Variants in GLB1L3 observed in about 807,000 individuals in gnomAD.
GLB1L3 encodes beta-galactosidase-1-like protein 3.
Under a neutral mutation model 89.5 loss-of-function variants are expected in GLB1L3, and 89 were observed. That is an observed-to-expected ratio of 0.99 (90% CI 0.84 to 1.19). GLB1L3 has a LOEUF of 1.19. Among genes scored for constraint, GLB1L3 ranks in the 50% most tolerant of loss-of-function variants. GLB1L3 has a pLI of 0.00. For missense variants in GLB1L3, 812 were observed against 813.3 expected, an observed-to-expected ratio of 1.00 and a Z score of 0.02; for synonymous variants, 314 against 312.3, an observed-to-expected ratio of 1.01 and a Z score of -0.06.
chr11:134,284,924 C>CTTTT (rs536491197), intron 6 of GLB1L3, among the ~76,000 whole-genome samples: 1 of 73,990 alleles, frequency 1.4e-5, no homozygotes, highest in African/African-American at 5.3e-5. Flanking sequence ...CATGCATTGC[C>CTTTT]TTTTTTTTTT....
rs1043344048 is a variant in GLB1L3, at chr11:134,310,482, G to A, written c.1100-89G>A. 5.1e-5 allele frequency: 47 copies of A among 924,896 alleles called. 1 individual carries two copies. Among genetic ancestry groups the A allele is most frequent in the South Asian group, 3.7e-4 (26 of 70,110 alleles). 57.3% of individuals were successfully genotyped at this position (924,896 alleles called of 1,614,324 possible). On this transcript the variant is annotated intron_variant, in intron 11 of 19. Transcript: ENST00000431683. ...GGTGTCTTCCTTTTGTCTCACTCAC[G>A]GTGGCCCTGGCCATCTCCTGCCAGC...
chr11:134,321,369 C>T (rs1220814587), downstream of GLB1L3, among the ~76,000 whole-genome samples: 1 of 150,454 alleles, frequency 6.6e-6, no homozygotes, highest in Admixed American at 6.6e-5. Flanking sequence ...AACAAACAAA[C>T]AAAATCCTCT....
At chr11:134,306,722 A>G (rs1942222352) in intron 9 of GLB1L3, among the ~76,000 whole-genome samples, 1 of 152,276 alleles carries the variant, frequency 6.6e-6, no homozygotes, top group African/African-American at 2.4e-5. Context: ...AGCAGCACTG[A>G]AAATGCTAGG....
chr11:134,315,222 T>G (rs953717617), intron 18 of GLB1L3, among the ~76,000 whole-genome samples: 4 of 152,226 alleles, frequency 2.6e-5, no homozygotes, highest in African/African-American at 9.6e-5. Flanking sequence ...AATAATTTAT[T>G]TAACCATTTT....
rs1323077402 is a variant in GLB1L3 at position 134,312,882 on chromosome 11, C to T, written c.1495C>T (p.Leu499Phe). The change falls in exon 15 of 20, where the codon CTC (leucine) becomes TTC (phenylalanine). Residue 499 changes from leucine (L) to phenylalanine (F), a missense_variant. By Grantham distance (22) the Leu-to-Phe change is conservative. Transcript: ENST00000431683. ...TAATAAGGACCTGCACATTCCTGAA[C>T]TCAGGGTATGTAATTTGAGAGTCCA... Reference protein sequence around the residue: ...ENNKDLHIPELRDCRYLRILV... With the variant: ...ENNKDLHIPEFRDCRYLRILV... The T allele has an allele frequency of 1.2e-6, 2 of 1,602,696 alleles. No homozygotes were observed. The highest frequency in any genetic ancestry group is 4.5e-5 in the East Asian group (2 of 44,790).
At chr11:134,298,801 G>A (rs1941788244) in intron 9 of GLB1L3, among the ~76,000 whole-genome samples, 2 of 152,278 alleles carry the variant, frequency 1.3e-5, no homozygotes, top group African/African-American at 4.8e-5. Context: ...TTTATCTGCA[G>A]CGTGAAAATG....
downstream of GLB1L3, among the ~76,000 whole-genome samples, chr11:134,323,416 CACACACACAATT>C (rs1369031858): frequency 6.6e-6 from 1 of 150,568 alleles, no homozygotes. Context: ...CACACACACA[CACACACACAATT>C]AGTCGGCCTG....
intron 8 of GLB1L3, 102 bp from the exon 9 acceptor site, chr11:134,293,043 C>T (rs944474472): frequency 1.1e-6 from 1 of 874,084 alleles, no homozygotes. Flanking sequence ...CACTGCTGAG[C>T]ATGGGTTCCT....
intron 7 of GLB1L3, among the ~76,000 whole-genome samples, chr11:134,290,897 C>T (rs149905982): frequency 1.3e-5 from 2 of 152,076 alleles, no homozygotes; most frequent in African/African-American, 4.8e-5. Context: ...GACTTAGATC[C>T]TCTTCCAGGG....
Position 134,312,830 on chromosome 11 carries a change from G to C in GLB1L3, c.1443G>C (p.Glu481Asp), listed in dbSNP as rs920568810. The change falls in exon 15 of 20, where the codon GAG becomes GAC. Residue 481 changes from glutamate (E) to aspartate (D), a missense_variant. Transcript: ENST00000431683. ...AHDVAQVFLD[E>D]TMIGILNENN... ...TTCTTTTGCAGGTGTTTTTGGATGA[G>C]ACAATGATAGGGATTCTGAATGAGA... 1 of 1,611,874 alleles carries C rather than the reference G, an allele frequency of 6.2e-7. No homozygotes were observed. The highest frequency in any genetic ancestry group is 1.3e-5 in the African/African-American group (1 of 74,890).
At chr11:134,276,376 G>T (rs1940371584), upstream of GLB1L3, 1 of 226,294 alleles carries the variant, frequency 4.4e-6, no homozygotes, top group African/African-American at 2.3e-5. Flanking sequence ...CTCCCGCGCA[G>T]GCCTCCCTGT....
chr11:134,278,135 G>C (rs1278229862), intron 3 of GLB1L3, among the ~76,000 whole-genome samples: 2 of 152,308 alleles, frequency 1.3e-5, no homozygotes, highest in East Asian at 1.9e-4. Context: ...AGAATCTCAA[G>C]GGAGGAGGTT....
At chr11:134,289,207 A>T (rs542452813) in intron 7 of GLB1L3, among the ~76,000 whole-genome samples, 1 of 151,652 alleles carries the variant, frequency 6.6e-6, no homozygotes, top group Non-Finnish European at 1.5e-5. Flanking sequence ...CAGAAAAGAA[A>T]ATGTTACTAA....
intron 7 of GLB1L3, among the ~76,000 whole-genome samples, chr11:134,290,144 C>T (rs995326288): frequency 3.3e-5 from 5 of 152,110 alleles, no homozygotes; most frequent in East Asian, 3.8e-4. Flanking sequence ...CCAGGGGACG[C>T]GTGGCTGCCC....
chr11:134,292,355 T>TA, intron 8 of GLB1L3, 142 bp downstream of exon 8: 3 of 613,664 alleles, frequency 4.9e-6, no homozygotes, highest in Non-Finnish European at 8.7e-6. Flanking sequence ...AGTTCGATGT[T>TA]ACAATAAATG....
At chr11:134,291,067 C>G (rs1941329075) in intron 7 of GLB1L3, among the ~76,000 whole-genome samples, 1 of 152,118 alleles carries the variant, frequency 6.6e-6, no homozygotes, top group Non-Finnish European at 1.5e-5. Context: ...GAAGGTCAGA[C>G]TCTGAATTCA....
rs1289289332 is a variant in GLB1L3, at chr11:134,307,007, A to T, written c.877-117A>T. 4 of 685,032 alleles carry T rather than the reference A, an allele frequency of 5.8e-6. No homozygotes were observed. In the Admixed American group the frequency reaches 1.1e-4, roughly 19 times the overall value. The allele number at this position is 685,032 out of a possible 1,614,324, so 42.4% of individuals were successfully genotyped here. ...ACTGGATCAAAACGGGAAAGCTCTG[A>T]ATTGGGAAAAAGGAGAAACGCATGA... On this transcript the variant is annotated intron_variant, in intron 9 of 19. Coordinates refer to ENST00000431683, the MANE Select transcript of GLB1L3 (RefSeq NM_001080407.3).
chr11:134,314,552 C>T, intron 18 of GLB1L3, 111 bp downstream of exon 18: 1 of 728,944 alleles, frequency 1.4e-6, no homozygotes, highest in African/African-American at 1.8e-5. Context: ...TTCTTTTCCT[C>T]TTCTTCCTCA....
chr11:134,300,402 G>A (rs547098805), intron 9 of GLB1L3, among the ~76,000 whole-genome samples: 10 of 149,160 alleles, frequency 6.7e-5, no homozygotes, highest in South Asian at 4.2e-4. Flanking sequence ...GTGTGAACTC[G>A]GCTCACTGCA....
Sources: gnomAD v4.1 joint callset for allele counts (sites outside exome capture counted in the v4.1 genomes callset) on GRCh38, gnomAD v4.1.1 for gene constraint, MANE v1.5 for transcripts, NCBI Gene and HGNC (gene_info 2026-07-23, HGNC 2026-07-21) for gene names.